The following CENPC variants were observed in gnomAD, a reference collection of about 807,000 sequenced individuals.
CENPC encodes CENP-C 1.
CENPC carries 63 observed loss-of-function variants against 112.1 expected under a neutral mutation model. The observed-to-expected ratio is 0.56, with a 90% CI of 0.46 to 0.69. The LOEUF is 0.69. Among genes scored for constraint, CENPC ranks in the 30% least tolerant of loss-of-function variants. The pLI, the probability that CENPC is intolerant of heterozygous loss-of-function variation, is 0.00. For synonymous variants in CENPC, 333 were observed against 367.6 expected (o/e 0.91, Z 1.08); for missense variants, 1,000 against 1,103.8 (o/e 0.91, Z 1.33).
At position 67,508,807 on chromosome 4, in the gene CENPC, A is replaced by C; in HGVS notation, c.1904+7T>G. The C allele has an allele frequency of 6.2e-7, 1 of 1,611,368 alleles. No individual in the cohort carries two copies. The highest frequency in any genetic ancestry group is 1.7e-4 in the Middle Eastern group (1 of 6,044). On this transcript the variant is annotated splice_region_variant and intron_variant, in intron 10 of 18. Transcript: ENST00000273853. Reference sequence around the variant, plus strand: ...AGTAACTATATTGTACACATAACAGACATTACCTAGAACAATCAAGATTTT... The same window carrying C: ...AGTAACTATATTGTACACATAACAGCCATTACCTAGAACAATCAAGATTTT...
Position 67,545,497 on chromosome 4 carries a change from G to A in CENPC, c.-142C>T, listed in dbSNP as rs1057047227. Reference sequence around the variant, plus strand: ...ACCTTAAGTCTCAGGCGACTGCCGCGAGAGCTGCGATCCGGAAGGCGCGCG... The same window carrying A: ...ACCTTAAGTCTCAGGCGACTGCCGCAAGAGCTGCGATCCGGAAGGCGCGCG... On this transcript the variant is annotated 5_prime_UTR_variant, in exon 1 of 19. Coordinates refer to ENST00000273853, the MANE Select transcript of CENPC (RefSeq NM_001812.4). 1.0e-5 allele frequency: 8 copies of A among 765,186 alleles called. No homozygotes were observed. The highest frequency in any genetic ancestry group is 4.1e-5 in the Admixed American group (1 of 24,642). The allele number at this position is 765,186 out of a possible 1,614,324, so 47.4% of individuals were successfully genotyped here. A position where few individuals can be genotyped will look rare whatever the true frequency, so the allele number is the denominator to read the frequency against.
chr4:67,530,836 T>A lies in CENPC; in HGVS notation c.310A>T (p.Ser104Cys). ...EASLQFVVEP[S>C]EATNRSVQAH... ...CAACCTGATCTGTTTGTGGCTTCAC[T>A]TGGTTCTACAACAAACTGTAGAGAG... Residue 104 changes from serine to cysteine, a missense_variant, in exon 5 of 19, where the codon AGT (serine) becomes TGT (cysteine). Physicochemically the swap from Ser to Cys is moderately radical, Grantham distance 112 (BLOSUM62 -1). Coordinates refer to ENST00000273853, the MANE Select transcript of CENPC (RefSeq NM_001812.4). The A allele has an allele frequency of 6.3e-7, 1 of 1,597,470 alleles. No individual in the cohort carries two copies. Among genetic ancestry groups the A allele is most frequent in the Non-Finnish European group, 8.5e-7 (1 of 1,170,508 alleles).
chr4:67,544,028 T>C (rs1340561695), intron 2 of CENPC, 121 bp downstream of exon 2: 1 of 648,294 alleles, frequency 1.5e-6, no homozygotes, highest in Non-Finnish European at 2.8e-6. Flanking sequence ...ATGACTACCC[T>C]TAATCAGTGG....
At chr4:67,534,799 T>C in intron 4 of CENPC, among the ~76,000 whole-genome samples, 1 of 152,190 alleles carries the variant, frequency 6.6e-6, no homozygotes, top group East Asian at 1.9e-4. Context: ...TTCCAATGTG[T>C]TTTAGTTTCC....
Position 67,530,842 on chromosome 4 carries a change from C to A in CENPC, c.304G>T (p.Glu102Ter). The A allele has an allele frequency of 1.2e-6, 2 of 1,602,792 alleles. No individual in the cohort carries two copies. Among genetic ancestry groups the A allele is most frequent in the South Asian group, 1.1e-5 (1 of 89,142 alleles). The change falls in exon 5 of 19, where the codon GAA becomes TAA. Residue 102 changes from glutamate (E) to a stop codon, truncating the protein, a stop_gained. Coordinates refer to ENST00000273853, the MANE Select transcript of CENPC (RefSeq NM_001812.4). LOFTEE classifies it high-confidence loss of function. ...KKEASLQFVV[E>*]PSEATNRSVQ... ...GATCTGTTTGTGGCTTCACTTGGTTCTACAACAAACTGTAGAGAGGCTTCT... is the reference window on the plus strand; with the variant it reads ...GATCTGTTTGTGGCTTCACTTGGTTATACAACAAACTGTAGAGAGGCTTCT...
intron 12 of CENPC, among the ~76,000 whole-genome samples, chr4:67,500,207 G>A (rs567601462): frequency 6.6e-6 from 1 of 151,866 alleles, no homozygotes; most frequent in Non-Finnish European, 1.5e-5. Flanking sequence ...CTCAACAAAG[G>A]GTTGCCACAA....
intron 12 of CENPC, among the ~76,000 whole-genome samples, chr4:67,497,568 T>G (rs1257488364): frequency 6.6e-6 from 1 of 152,178 alleles, no homozygotes; most frequent in Non-Finnish European, 1.5e-5. Flanking sequence ...AGTCTCACTC[T>G]GTCACCCAGG....
chr4:67,486,028 CA>C (rs1183710436), intron 17 of CENPC, among the ~76,000 whole-genome samples: 6 of 151,746 alleles, frequency 4.0e-5, no homozygotes, highest in South Asian at 2.1e-4. Flanking sequence ...CTTAATAAGA[CA>C]AAAAAAGTTA....
intron 18 of CENPC, among the ~76,000 whole-genome samples, chr4:67,473,018 A>T (rs550539239): frequency 6.6e-6 from 1 of 152,370 alleles, no homozygotes; most frequent in African/African-American, 2.4e-5. Flanking sequence ...ACATACTCAT[A>T]TATAGATGAA....
At chr4:67,527,950 C>T (rs1373986433) in intron 5 of CENPC, among the ~76,000 whole-genome samples, 3 of 152,024 alleles carry the variant, frequency 2.0e-5, no homozygotes, top group Non-Finnish European at 2.9e-5. Flanking sequence ...ATAGAACAGA[C>T]ATGGATACCT....
intron 17 of CENPC, among the ~76,000 whole-genome samples, chr4:67,485,307 T>G (rs553316724): frequency 1.1e-4 from 17 of 152,184 alleles, no homozygotes; most frequent in Non-Finnish European, 2.4e-4. Context: ...GCTTTCATAT[T>G]CAAACATGCC....
chr4:67,523,584 A>G (rs1398165159), intron 5 of CENPC, among the ~76,000 whole-genome samples: 1 of 152,204 alleles, frequency 6.6e-6, no homozygotes, highest in East Asian at 1.9e-4. Flanking sequence ...AGACATCAAT[A>G]TGAACTTATG....
intron 17 of CENPC, among the ~76,000 whole-genome samples, chr4:67,482,820 C>T (rs1017786413): frequency 6.6e-6 from 1 of 152,056 alleles, no homozygotes; most frequent in African/African-American, 2.4e-5. Context: ...GATAGGTGCA[C>T]CAAAATCTCA....
chr4:67,532,383 C>A (rs1323637988), intron 4 of CENPC, among the ~76,000 whole-genome samples: 2 of 152,198 alleles, frequency 1.3e-5, no homozygotes, highest in Admixed American at 6.5e-5. Context: ...TTGACCCAGC[C>A]ATCCCATTAC....
At chr4:67,501,317 A>G (rs1233675109) in intron 12 of CENPC, among the ~76,000 whole-genome samples, 2 of 152,126 alleles carry the variant, frequency 1.3e-5, no homozygotes, top group Non-Finnish European at 1.5e-5. Context: ...CAAACAAACA[A>G]ACAAACAAAA....
chr4:67,494,556 G>A (rs1725378357), intron 13 of CENPC, among the ~76,000 whole-genome samples: 1 of 148,430 alleles, frequency 6.7e-6, no homozygotes, highest in South Asian at 2.2e-4. Context: ...CTGGAGTAAG[G>A]CAATGAGAGA....
At chr4:67,486,144 G>C (rs900847818) in intron 17 of CENPC, among the ~76,000 whole-genome samples, 6 of 151,972 alleles carry the variant, frequency 3.9e-5, no homozygotes, top group African/African-American at 1.5e-4. Context: ...GGTTCTCTAA[G>C]CACACCTCTC....
chr4:67,493,343 T>C (rs1321845626), intron 14 of CENPC: 3 of 169,284 alleles, frequency 1.8e-5, no homozygotes, highest in Non-Finnish European at 3.7e-5. Flanking sequence ...GACTTAGATA[T>C]ATCCATCAAA....
chr4:67,490,879 G>T (rs9715568), intron 16 of CENPC, among the ~76,000 whole-genome samples: 7 of 135,394 alleles, frequency 5.2e-5, no homozygotes, highest in African/African-American at 1.4e-4. Context: ...TATATATATA[G>T]AAATATATAG....
Sources: gnomAD v4.1 joint callset for allele counts (sites outside exome capture counted in the v4.1 genomes callset) on GRCh38, gnomAD v4.1.1 for gene constraint, MANE v1.5 for transcripts, NCBI Gene and HGNC (gene_info 2026-07-23, HGNC 2026-07-21) for gene names.